GSR: variants seen among roughly 807,000 people sequenced by gnomAD.
The protein encoded by GSR is glutathione-disulfide reductase.
A neutral mutation model predicts 56.5 loss-of-function variants in GSR; 48 were observed. The observed-to-expected ratio is 0.85, with a 90% CI of 0.67 to 1.08. GSR has a LOEUF of 1.08. Among genes scored for constraint, GSR ranks in the 50% least tolerant of loss-of-function variants. The pLI, the probability that GSR is intolerant of heterozygous loss-of-function variation, is 0.00. For synonymous variants in GSR, 264 were observed against 270.8 expected, an observed-to-expected ratio of 0.97 and a Z score of 0.25; for missense variants, 694 against 703.3, an observed-to-expected ratio of 0.99 and a Z score of 0.15.
chr8:30,720,944 C>T (rs1020031512), intron 1 of GSR, among the ~76,000 whole-genome samples: 1 of 151,882 alleles, frequency 6.6e-6, no homozygotes, highest in South Asian at 2.1e-4. Flanking sequence ...GACAACACAG[C>T]GAGACCCCAT....
chr8:30,696,095 A>G (rs953533083), intron 7 of GSR, among the ~76,000 whole-genome samples: 1 of 152,174 alleles, frequency 6.6e-6, no homozygotes, highest in Non-Finnish European at 1.5e-5. Context: ...TTTAGCTAAT[A>G]GTTATGTTTA....
In GSR at chr8:30,681,796, CAA is replaced by C. The variant is rs957081096; in HGVS notation, c.1285+132_1285+133del. 2.0e-5 allele frequency: 16 copies of C among 816,870 alleles called. No homozygotes were observed. In the African/African-American group the frequency reaches 2.0e-4, roughly 10 times the overall value. 50.6% of individuals were successfully genotyped at this position (816,870 alleles called of 1,614,324 possible). A position where few individuals can be genotyped will look rare whatever the true frequency, so the allele number is the denominator to read the frequency against. ...GCAGGGGAGAAAACTGGAACTGTGACAAGAGAGTAACCAAAAAGCAATGTAAT... is the reference window on the plus strand; with the variant it reads ...GCAGGGGAGAAAACTGGAACTGTGACGAGAGTAACCAAAAAGCAATGTAAT... On this transcript the variant is annotated intron_variant, in intron 11 of 12. Transcript: ENST00000221130.
intron 1 of GSR, among the ~76,000 whole-genome samples, chr8:30,715,803 C>T (rs577323681): frequency 1.3e-5 from 2 of 152,358 alleles, no homozygotes; most frequent in East Asian, 3.9e-4. Context: ...ACTACTCTCA[C>T]ATACCATCAG....
intron 11 of GSR, among the ~76,000 whole-genome samples, 182 bp downstream of exon 11, chr8:30,681,748 G>A (rs1405827559): frequency 6.6e-6 from 1 of 151,980 alleles, no homozygotes; most frequent in Non-Finnish European, 1.5e-5. Flanking sequence ...GTGAAGGAAA[G>A]ATACTGTACA....
chr8:30,679,552 T>G lies in GSR; in HGVS notation c.1537A>C (p.Thr513Pro). 6.2e-7 allele frequency: 1 copy of G among 1,614,036 alleles called. No homozygotes were observed. The highest frequency in any genetic ancestry group is 1.1e-5 in the South Asian group (1 of 91,070). ...DFDNTVAIHPTSSEELVTLR is the reference protein window; with the variant it reads ...DFDNTVAIHPPSSEELVTLR ...AGTGTGACCAGCTCTTCTGAAGAGG[T>G]AGGGTGAATGGCGACTGTGTTGTCA... Residue 513 changes from threonine (T) to proline (P), a missense_variant, in exon 13 of 13, where the codon ACC becomes CCC. By Grantham distance (38) the Thr-to-Pro change is conservative. Transcript: ENST00000221130.
chr8:30,689,903 A>G (rs1185108002), intron 8 of GSR, among the ~76,000 whole-genome samples: 1 of 142,792 alleles, frequency 7.0e-6, no homozygotes, highest in Non-Finnish European at 1.5e-5. Context: ...TTATATTTTT[A>G]TTAAATATAT....
intron 5 of GSR, among the ~76,000 whole-genome samples, chr8:30,702,348 A>G (rs992903418): frequency 6.6e-6 from 1 of 151,874 alleles, no homozygotes; most frequent in African/African-American, 2.4e-5. Flanking sequence ...AATAAATAAT[A>G]AAATAAAATG....
rs142840135 is a variant in GSR, at chr8:30,684,144, T to C, written c.1097A>G (p.Asn366Ser). The C allele has an allele frequency of 6.5e-5, 105 of 1,610,776 alleles. No individual in the cohort carries two copies. The highest frequency in any genetic ancestry group is 8.2e-5 in the Non-Finnish European group (96 of 1,177,102). Reference sequence around the variant, plus strand: ...CCCAACTGCATAGATGCCTTTGACGTTGGTATTCTGGAATTCGTCTACGAT... The same window carrying C: ...CCCAACTGCATAGATGCCTTTGACGCTGGTATTCTGGAATTCGTCTACGAT... ...HIIVDEFQNT[N>S]VKGIYAVGDV... The change falls in exon 10 of 13, where the codon AAC becomes AGC. Residue 366 changes from asparagine to serine, a missense_variant. Physicochemically the swap from Asn to Ser is conservative, Grantham distance 46. Coordinates refer to ENST00000221130, the MANE Select transcript of GSR (RefSeq NM_000637.5).
At chr8:30,680,395 T>G (rs1378051926) in intron 12 of GSR, among the ~76,000 whole-genome samples, 10 of 146,610 alleles carry the variant, frequency 6.8e-5, no homozygotes, top group East Asian at 4.0e-4. Context: ...TTTTTTTTTT[T>G]TTTTTTTTTT....
rs138626335 is a variant in GSR, at chr8:30,708,136, A to G, written c.428T>C (p.Ile143Thr). Residue 143 changes from isoleucine to threonine, a missense_variant, in exon 4 of 13, where the codon ATT (isoleucine) becomes ACT (threonine). By Grantham distance (89) the Ile-to-Thr change is moderately conservative. Transcript: ENST00000221130. Reference sequence around the variant, plus strand: ...CACATAGGCATCCCGCTTTTCCTTAATAACACTGCAATGAAACCCAAGTCA... The same window carrying G: ...CACATAGGCATCCCGCTTTTCCTTAGTAACACTGCAATGAAACCCAAGTCA... ...SCEGKFNWRV[I>T]KEKRDAYVSR... The G allele has an allele frequency of 1.8e-4, 297 of 1,609,848 alleles. No homozygotes were observed. The highest frequency in any genetic ancestry group is 2.3e-4 in the Non-Finnish European group (276 of 1,176,316).
In GSR at chr8:30,712,079, C is replaced by A; in HGVS notation, c.316G>T (p.Gly106Ter). ...AATTCTACCTTTTTGGGTACACATC[C>A]AACATTCACCTGGAAAAAAAAAAAA... is the stretch of plus-strand genomic sequence containing the variant. Reference protein sequence around the residue: ...HKLGGTCVNVGCVPKKVMWNT... With the variant: ...HKLGGTCVNV The change falls in exon 2 of 13, where the codon GGA (glycine) becomes TGA (stop). Residue 106 changes from glycine to a stop codon, truncating the protein, a stop_gained. Coordinates refer to ENST00000221130, the MANE Select transcript of GSR (RefSeq NM_000637.5). LOFTEE classifies it high-confidence loss of function. 7.0e-7 allele frequency: 1 copy of A among 1,426,034 alleles called. No homozygotes were observed. Among genetic ancestry groups the A allele is most frequent in the East Asian group, 2.3e-5 (1 of 43,766 alleles). The allele number at this position is 1,426,034 out of a possible 1,614,324, so 88.3% of individuals were successfully genotyped here. A position where few individuals can be genotyped will look rare whatever the true frequency, so the allele number is the denominator to read the frequency against.
chr8:30,681,199 T>C (rs8191033), intron 11 of GSR, among the ~76,000 whole-genome samples, 162 bp from the exon 12 acceptor site: 340 of 152,254 alleles, frequency 2.2e-3, no homozygotes, highest in African/African-American at 7.6e-3. Context: ...GTCAGTGTCA[T>C]ATAAGACAAA....
intron 6 of GSR, among the ~76,000 whole-genome samples, chr8:30,697,478 A>G (rs1803588371): frequency 6.6e-6 from 1 of 151,910 alleles, no homozygotes; most frequent in Non-Finnish European, 1.5e-5. Context: ...AAAAATAAAA[A>G]TTATCCAAGT....
intron 8 of GSR, among the ~76,000 whole-genome samples, chr8:30,690,785 C>A (rs147373946): frequency 0.015 from 2,255 of 152,282 alleles, 19 homozygotes; most frequent in Non-Finnish European, 0.022. Context: ...AGATTCTAGG[C>A]TGGACATGGT....
Position 30,689,238 on chromosome 8 carries a change from T to C in GSR, c.964A>G (p.Met322Val), listed in dbSNP as rs779024645. Residue 322 changes from methionine to valine, a missense_variant, in exon 9 of 13, where the codon ATG (methionine) becomes GTG (valine). Transcript: ENST00000221130. Reference protein sequence around the residue: ...AVPGRLPVMTMIPDVDCLLWA... With the variant: ...AVPGRLPVMTVIPDVDCLLWA... ...AGCAGGCAGTCAACATCTGGAATCA[T>C]GGTCATGACTGGTAGCCTACCGGGA... 5 of 1,613,778 alleles carry C rather than the reference T, an allele frequency of 3.1e-6. No individual in the cohort carries two copies. The highest frequency in any genetic ancestry group is 1.7e-5 in the Admixed American group (1 of 59,986).
At chr8:30,721,550 G>A (rs1804534962) in intron 1 of GSR, among the ~76,000 whole-genome samples, 1 of 152,004 alleles carries the variant, frequency 6.6e-6, no homozygotes, top group Non-Finnish European at 1.5e-5. Context: ...CTACTCAGGA[G>A]GCTGAGGTAG....
intron 2 of GSR, among the ~76,000 whole-genome samples, chr8:30,711,516 A>G (rs1474913872): frequency 6.6e-6 from 1 of 152,174 alleles, no homozygotes; most frequent in Admixed American, 6.5e-5. Context: ...TTTGCTGAGA[A>G]AAAACTATCC....
In GSR at chr8:30,681,621, A is replaced by G. The variant is rs8191032; in HGVS notation, c.1285+309T>C. Among the ~76,000 whole-genome samples, 445 of 152,262 alleles carry G rather than the reference A, an allele frequency of 2.9e-3. 3 individuals are homozygous for G. The highest frequency in any genetic ancestry group is 0.01 in the African/African-American group (419 of 41,556). On this transcript the variant is annotated intron_variant, in intron 11 of 12. Transcript: ENST00000221130. ...TGTGTGTAGAGTGAAAAAATAAAAA[A>G]GCAAAAATATTAAGGTTAGAGAGGA...
At position 30,685,021 on chromosome 8, in the gene GSR, G is replaced by A. The variant is rs952657000; in HGVS notation, c.1042-822C>T. Among the ~76,000 whole-genome samples the A allele has an allele frequency of 8.3e-4, 125 of 150,920 alleles. 1 individual carries two copies. In the South Asian group the frequency reaches 0.011, roughly 13 times the overall value. On this transcript the variant is annotated intron_variant, in intron 9 of 12. Transcript: ENST00000221130. ...GTCTCGCTCTGTCGCCCAGGCTGGC[G>A]CGATCTAGGCTCTCTGCAAGCTCTG...
Sources: gnomAD v4.1 joint callset for allele counts (sites outside exome capture counted in the v4.1 genomes callset) on GRCh38, gnomAD v4.1.1 for gene constraint, MANE v1.5 for transcripts, NCBI Gene and HGNC (gene_info 2026-07-23, HGNC 2026-07-21) for gene names.